The following FARS2 variants were observed in gnomAD, a reference collection of about 807,000 sequenced individuals.
FARS2 encodes phenylalanine--tRNA ligase, mitochondrial.
Under a neutral mutation model 46.4 loss-of-function variants are expected in FARS2, and 40 were observed. That is an observed-to-expected ratio of 0.86 (90% CI 0.67 to 1.12). The LOEUF (loss-of-function observed/expected upper bound fraction) is 1.12. Among genes scored for constraint, FARS2 ranks in the 50% most tolerant of loss-of-function variants. The pLI, the probability that FARS2 is intolerant of heterozygous loss-of-function variation, is 0.00. For missense variants in FARS2, 513 were observed against 567.9 expected (o/e 0.90, Z 0.98); for synonymous variants, 234 against 214.9 (o/e 1.09, Z -0.78).
At chr6:5,289,327 G>C (rs1342239735) in intron 1 of FARS2, among the ~76,000 whole-genome samples, 1 of 152,190 alleles carries the variant, frequency 6.6e-6, no homozygotes, top group Non-Finnish European at 1.5e-5. Context: ...AGGTGTCCAG[G>C]TTCTTGGCGT....
chr6:5,532,271 C>T (rs1309115637), intron 4 of FARS2, among the ~76,000 whole-genome samples: 1 of 152,198 alleles, frequency 6.6e-6, no homozygotes, highest in Non-Finnish European at 1.5e-5. Context: ...TCTAGGGGAA[C>T]ATCTACTGGG....
intron 2 of FARS2, among the ~76,000 whole-genome samples, chr6:5,380,056 TA>T (rs1759654631): frequency 6.6e-6 from 1 of 152,326 alleles, no homozygotes; most frequent in African/African-American, 2.4e-5. Context: ...GGGAAAGTCA[TA>T]TTTATGGAGG....
chr6:5,575,450 C>CAAA (rs2150568327), intron 5 of FARS2, among the ~76,000 whole-genome samples: 1 of 152,298 alleles, frequency 6.6e-6, no homozygotes, highest in African/African-American at 2.4e-5. Flanking sequence ...TATTTGAGAG[C>CAAA]AAATGGGAGA....
At chr6:5,350,976 C>T (rs1372390637) in intron 1 of FARS2, among the ~76,000 whole-genome samples, 1 of 152,160 alleles carries the variant, frequency 6.6e-6, no homozygotes, top group Non-Finnish European at 1.5e-5. Flanking sequence ...TAAGTTGTTA[C>T]TTTCTGCCAA....
intron 1 of FARS2, among the ~76,000 whole-genome samples, chr6:5,365,510 A>ATT (rs144909598): frequency 4.7e-5 from 6 of 127,978 alleles, no homozygotes; most frequent in Non-Finnish European, 7.9e-5. Flanking sequence ...ATTAAATAAA[A>ATT]TTTTTTTTTT....
At chr6:5,710,247 C>T (rs534870038) in intron 6 of FARS2, among the ~76,000 whole-genome samples, 2 of 152,296 alleles carry the variant, frequency 1.3e-5, no homozygotes, top group Admixed American at 1.3e-4. Context: ...ATGGTCCAAG[C>T]CACATCCCTC....
chr6:5,251,544 T>G, the FARS2 span, among the ~76,000 whole-genome samples: 1 of 152,082 alleles, frequency 6.6e-6, no homozygotes, highest in Non-Finnish European at 1.5e-5. Flanking sequence ...AGGAAGGAGA[T>G]GCCACATACT....
chr6:5,401,665 T>TC (rs34696692), intron 2 of FARS2, among the ~76,000 whole-genome samples: 59,530 of 152,034 alleles, frequency 0.39, 13,303 homozygotes, highest in African/African-American at 0.61. Flanking sequence ...AATGTGACAT[T>TC]CCTATGCTCT....
At chr6:5,769,072 C>T (rs1016375238) in intron 6 of FARS2, among the ~76,000 whole-genome samples, 1 of 152,036 alleles carries the variant, frequency 6.6e-6, no homozygotes, top group African/African-American at 2.4e-5. Context: ...TGAATATTTA[C>T]TCATCTGTTT....
At chr6:5,419,232 A>G (rs1239254890) in intron 3 of FARS2, among the ~76,000 whole-genome samples, 2 of 152,258 alleles carry the variant, frequency 1.3e-5, no homozygotes, top group East Asian at 3.9e-4. Context: ...GTTTTACAAA[A>G]CCAGAATTTT....
chr6:5,594,264 A>G (rs531245494), intron 5 of FARS2, among the ~76,000 whole-genome samples: 1 of 152,310 alleles, frequency 6.6e-6, no homozygotes, highest in South Asian at 2.1e-4. Flanking sequence ...TCGTGCCTGA[A>G]GCACCTTTGT....
At chr6:5,768,021 C>T (rs1218398791) in intron 6 of FARS2, among the ~76,000 whole-genome samples, 1 of 152,200 alleles carries the variant, frequency 6.6e-6, no homozygotes, top group African/African-American at 2.4e-5. Context: ...GGAGACCACT[C>T]TTCAAGAATG....
chr6:5,576,851 A>C (rs1214229580), intron 5 of FARS2, among the ~76,000 whole-genome samples: 1 of 151,682 alleles, frequency 6.6e-6, no homozygotes, highest in Non-Finnish European at 1.5e-5. Flanking sequence ...TTTAATTTTG[A>C]ACCTCTTATC....
At chr6:5,523,512 C>T (rs139788011) in intron 4 of FARS2, among the ~76,000 whole-genome samples, 52 of 151,454 alleles carry the variant, frequency 3.4e-4, no homozygotes, top group African/African-American at 7.0e-4. Flanking sequence ...TGGGCGATGT[C>T]ATATCTGGCT....
chr6:5,483,965 G>T (rs1303329517), intron 4 of FARS2, among the ~76,000 whole-genome samples: 1 of 152,052 alleles, frequency 6.6e-6, no homozygotes. Context: ...AGTTTGAAAT[G>T]CCCAGTAAAA....
At chr6:5,737,001 A>C (rs537812013) in intron 6 of FARS2, among the ~76,000 whole-genome samples, 6 of 152,304 alleles carry the variant, frequency 3.9e-5, no homozygotes, top group Admixed American at 3.3e-4. Context: ...GGATGAAAAC[A>C]TTCATTTAAA....
chr6:5,725,253 G>T (rs1014776451), intron 6 of FARS2, among the ~76,000 whole-genome samples: 1 of 152,172 alleles, frequency 6.6e-6, no homozygotes, highest in Non-Finnish European at 1.5e-5. Flanking sequence ...CATGGGCGCT[G>T]GGGTGTATGG....
At position 5,299,684 on chromosome 6, in the gene FARS2, AG is replaced by A. The variant is rs1452554221; in HGVS notation, c.-22+38025del. Among the ~76,000 whole-genome samples, 4 of 49,126 alleles carry A rather than the reference AG, an allele frequency of 8.1e-5. No homozygotes were observed. The East Asian group carries it at 2.5e-3, about 31-fold the overall frequency. The allele number at this position is 49,126 out of a possible 152,430, so 32.2% of individuals were successfully genotyped here. A position where few individuals can be genotyped will look rare whatever the true frequency, so the allele number is the denominator to read the frequency against. Reference sequence around the variant, plus strand: ...TGTCTCCTAATGCTATCCCTCCCCCAGCCCCCCACCCTCCAAGAAGCCCTGT... The same window carrying A: ...TGTCTCCTAATGCTATCCCTCCCCCACCCCCCACCCTCCAAGAAGCCCTGT... On this transcript the variant is annotated intron_variant, in intron 1 of 6. Coordinates refer to ENST00000274680, the MANE Select transcript of FARS2 (RefSeq NM_006567.5).
At chr6:5,292,194 T>C (rs1470798499) in intron 1 of FARS2, among the ~76,000 whole-genome samples, 1 of 152,186 alleles carries the variant, frequency 6.6e-6, no homozygotes, top group Non-Finnish European at 1.5e-5. Context: ...AGGTAGTTGA[T>C]GACAAGACAT....
Sources: allele counts gnomAD v4.1 joint callset (sites outside exome capture counted in the v4.1 genomes callset), GRCh38; gene constraint gnomAD v4.1.1; transcripts MANE v1.5; gene names NCBI Gene and HGNC (gene_info 2026-07-23, HGNC 2026-07-21).